GLIS3: variants seen among roughly 807,000 people sequenced by gnomAD.
The protein encoded by GLIS3 is GLIS family zinc finger 3.
GLIS3 carries 53 observed loss-of-function variants against 78.6 expected under a neutral mutation model. The ratio of observed to expected loss-of-function variants is 0.67; its 90% CI spans 0.54 to 0.85. The LOEUF (loss-of-function observed/expected upper bound fraction) is 0.85, where lower values mean the gene tolerates loss of function less well. Ranked by LOEUF, GLIS3 falls within the 40% of genes least tolerant of loss-of-function variation. GLIS3 has a pLI of 0.00. For synonymous variants in GLIS3, 684 were observed against 509.9 expected (o/e 1.34, Z -4.60); for missense variants, 1,703 against 1,231.1 (o/e 1.38, Z -5.74).
At chr9:4,041,354 A>G (rs899601411) in intron 4 of GLIS3, among the ~76,000 whole-genome samples, 1 of 152,184 alleles carries the variant, frequency 6.6e-6, no homozygotes, top group Non-Finnish European at 1.5e-5. Context: ...GCTGAAACGA[A>G]CTATCTTGCC....
At chr9:4,302,450 A>C (rs1184559308), upstream of GLIS3, among the ~76,000 whole-genome samples, 1 of 152,226 alleles carries the variant, frequency 6.6e-6, no homozygotes, top group Non-Finnish European at 1.5e-5. Context: ...ATTGGGACTA[A>C]AGGAATTAAC....
At chr9:4,093,407 G>C (rs770028572) in intron 4 of GLIS3, among the ~76,000 whole-genome samples, 1 of 152,236 alleles carries the variant, frequency 6.6e-6, no homozygotes, top group Non-Finnish European at 1.5e-5. Flanking sequence ...GCATGTGGAA[G>C]ACAGAGGAGA....
chr9:4,037,667 A>C (rs1466811928), intron 4 of GLIS3, among the ~76,000 whole-genome samples: 1 of 152,158 alleles, frequency 6.6e-6, no homozygotes, highest in Non-Finnish European at 1.5e-5. Context: ...TAAATTTCTC[A>C]GAAACAGAAA....
intron 4 of GLIS3, among the ~76,000 whole-genome samples, chr9:4,112,116 C>A (rs1207450361): frequency 6.6e-6 from 1 of 152,094 alleles, no homozygotes; most frequent in East Asian, 1.9e-4. Context: ...ACTGCCAAAT[C>A]AAGGAGGCAA....
chr9:4,115,840 A>C (rs1369119278), intron 4 of GLIS3, among the ~76,000 whole-genome samples: 1 of 152,156 alleles, frequency 6.6e-6, no homozygotes, highest in Admixed American at 6.5e-5. Context: ...GATTCGATAC[A>C]CTGTTAAATC....
intron 2 of GLIS3, among the ~76,000 whole-genome samples, chr9:4,173,503 T>C (rs1816551109): frequency 6.6e-6 from 1 of 151,990 alleles, no homozygotes; most frequent in South Asian, 2.1e-4. Context: ...GATGTTCACA[T>C]TCTAATTAAA....
chr9:3,838,768 G>A (rs1588059615), intron 9 of GLIS3, among the ~76,000 whole-genome samples: 2 of 151,996 alleles, frequency 1.3e-5, no homozygotes, highest in African/African-American at 4.8e-5. Flanking sequence ...GGAGAAAGAA[G>A]ATAAATGTCC....
intron 9 of GLIS3, among the ~76,000 whole-genome samples, chr9:3,854,741 T>C (rs1409032832): frequency 6.6e-6 from 1 of 151,818 alleles, no homozygotes; most frequent in African/African-American, 2.4e-5. Context: ...AGATGGGGTT[T>C]TACCATGTTA....
chr9:4,483,041 A>G, the GLIS3 span, among the ~76,000 whole-genome samples: 2 of 152,218 alleles, frequency 1.3e-5, no homozygotes, highest in African/African-American at 4.8e-5. Flanking sequence ...AGTTCTTTCA[A>G]GTAGAGCTTG....
At chr9:4,407,051 G>A in the GLIS3 span, among the ~76,000 whole-genome samples, 1 of 152,122 alleles carries the variant, frequency 6.6e-6, no homozygotes, top group Admixed American at 6.5e-5. Flanking sequence ...TTATACTACA[G>A]AGCTTCTGTA....
chr9:4,045,744 AAC>A (rs1825195904), intron 4 of GLIS3, among the ~76,000 whole-genome samples: 1 of 152,104 alleles, frequency 6.6e-6, no homozygotes, highest in African/African-American at 2.4e-5. Context: ...GGTGAAATTA[AAC>A]ACAGTCTCGC....
chr9:4,341,828 T>C (rs868764377), intron 2 of GLIS3, among the ~76,000 whole-genome samples: 1 of 152,200 alleles, frequency 6.6e-6, no homozygotes, highest in African/African-American at 2.4e-5. Flanking sequence ...ATCACCTTTT[T>C]CCCACGTTAC....
intron 9 of GLIS3, among the ~76,000 whole-genome samples, chr9:3,836,315 G>C (rs1315237747): frequency 6.6e-6 from 1 of 152,262 alleles, no homozygotes; most frequent in African/African-American, 2.4e-5. Context: ...GTATATTTAT[G>C]AGCTTTACAG....
the GLIS3 span, among the ~76,000 whole-genome samples, chr9:4,384,698 A>G: frequency 6.6e-6 from 1 of 152,052 alleles, no homozygotes; most frequent in Non-Finnish European, 1.5e-5. Flanking sequence ...TTCAAGGGCT[A>G]GGTAATAAAT....
At chr9:4,023,629 T>C (rs1030494924) in intron 4 of GLIS3, among the ~76,000 whole-genome samples, 2 of 152,210 alleles carry the variant, frequency 1.3e-5, no homozygotes, top group African/African-American at 4.8e-5. Flanking sequence ...CAATCCTGTG[T>C]GCTTGAACTT....
chr9:4,206,634 C>T (rs748191579), intron 2 of GLIS3, among the ~76,000 whole-genome samples: 7 of 152,216 alleles, frequency 4.6e-5, no homozygotes, highest in Non-Finnish European at 8.8e-5. Context: ...ACTGGAAGAA[C>T]TCTAGGCCTC....
chr9:4,435,086 C>T, the GLIS3 span, among the ~76,000 whole-genome samples: 27 of 152,350 alleles, frequency 1.8e-4, no homozygotes, highest in Admixed American at 2.0e-4. Context: ...ACAGACAATT[C>T]TCTGCAAAAC....
chr9:3,864,630 T>TTAATATAAA (rs1820449889), intron 8 of GLIS3, among the ~76,000 whole-genome samples: 1 of 152,210 alleles, frequency 6.6e-6, no homozygotes, highest in Admixed American at 6.5e-5. Context: ...GACGCTTCAG[T>TTAATATAAA]CATTAATAAC....
chr9:4,431,963 A>G, the GLIS3 span, among the ~76,000 whole-genome samples: 1 of 152,166 alleles, frequency 6.6e-6, no homozygotes, highest in Admixed American at 6.5e-5. Context: ...GGCAATATGT[A>G]CATGAATGGG....
Sources: gnomAD v4.1 joint callset for allele counts (sites outside exome capture counted in the v4.1 genomes callset) on GRCh38, gnomAD v4.1.1 for gene constraint, MANE v1.5 for transcripts, NCBI Gene and HGNC (gene_info 2026-07-23, HGNC 2026-07-21) for gene names.